The following TSPAN9 variants were observed in gnomAD, a reference collection of about 807,000 sequenced individuals.
TSPAN9 encodes the protein tetraspanin 9.
TSPAN9 carries 16 observed loss-of-function variants against 31.0 expected under a neutral mutation model. The observed-to-expected ratio is 0.52, with a 90% CI of 0.35 to 0.78. The LOEUF is 0.78. Ranked by LOEUF, TSPAN9 falls within the 30% of genes least tolerant of loss-of-function variation. The pLI is 0.01. For synonymous variants in TSPAN9, 145 were observed against 121.6 expected (o/e 1.19, Z -1.27); for missense variants, 272 against 312.5 (o/e 0.87, Z 0.98).
intron 3 of TSPAN9, among the ~76,000 whole-genome samples, chr12:3,268,493 T>C (rs1325647926): frequency 3.5e-4 from 37 of 106,170 alleles, no homozygotes; most frequent in African/African-American, 1.0e-3. Context: ...GCCCTCTCTG[T>C]GTTCCTGCAG....
chr12:3,122,093 T>C (rs2098325399), intron 2 of TSPAN9, among the ~76,000 whole-genome samples: 1 of 152,066 alleles, frequency 6.6e-6, no homozygotes, highest in South Asian at 2.1e-4. Flanking sequence ...CCCAGCACTT[T>C]GGGAGGCCGA....
rs541804561 is a variant in TSPAN9, at chr12:3,231,241, G to A, written c.63+29985G>A. On this transcript the variant is annotated intron_variant, in intron 3 of 8. Transcript: ENST00000011898. ...GAGGCAGGGGAGAATGAAGGGAAGC[G>A]GGGCAGTCCCAAGTTCCCTAACTCT... Among the ~76,000 whole-genome samples the A allele has an allele frequency of 1.8e-4, 27 of 152,260 alleles. No homozygotes were observed. The East Asian group carries it at 4.1e-3, about 23-fold the overall frequency.
intron 3 of TSPAN9, among the ~76,000 whole-genome samples, chr12:3,258,605 A>C (rs550041590): frequency 7.1e-6 from 1 of 140,858 alleles, no homozygotes; most frequent in African/African-American, 3.0e-5. Flanking sequence ...ACCATTTCTT[A>C]TCTTCCCTCC....
intron 4 of TSPAN9, 88 bp from the exon 5 acceptor site, chr12:3,278,904 A>G (rs1274259260): frequency 3.6e-6 from 5 of 1,403,982 alleles, no homozygotes; most frequent in Non-Finnish European, 5.0e-6. Flanking sequence ...AGCCCCACCT[A>G]GGCGCCGCCT....
intron 2 of TSPAN9, among the ~76,000 whole-genome samples, chr12:3,097,931 A>C (rs140295188): frequency 9.2e-5 from 14 of 152,248 alleles, no homozygotes; most frequent in African/African-American, 3.4e-4. Flanking sequence ...ACATGTGAGC[A>C]CCTCCTCCGT....
chr12:3,242,429 C>T (rs969751778), intron 3 of TSPAN9, among the ~76,000 whole-genome samples: 1 of 152,236 alleles, frequency 6.6e-6, no homozygotes, highest in Non-Finnish European at 1.5e-5. Flanking sequence ...AGCACAGCTC[C>T]CATTCTGTAG....
At chr12:3,084,943 A>G (rs1036819883) in intron 2 of TSPAN9, among the ~76,000 whole-genome samples, 8 of 152,138 alleles carry the variant, frequency 5.3e-5, no homozygotes, top group African/African-American at 1.7e-4. Flanking sequence ...CTCCCATTTT[A>G]AGTCCTCCTC....
chr12:3,239,207 A>G (rs1161494076), intron 3 of TSPAN9, among the ~76,000 whole-genome samples: 1 of 151,928 alleles, frequency 6.6e-6, no homozygotes, highest in African/African-American at 2.4e-5. Flanking sequence ...CAAGGCGTAG[A>G]GGGGTGCCTG....
chr12:3,092,779 C>T (rs1390398206), intron 2 of TSPAN9, among the ~76,000 whole-genome samples: 1 of 152,336 alleles, frequency 6.6e-6, no homozygotes, highest in Non-Finnish European at 1.5e-5. Context: ...TGAGGATGCT[C>T]AGTGGACTCC....
At chr12:3,222,437 C>T (rs2098385069) in intron 3 of TSPAN9, among the ~76,000 whole-genome samples, 1 of 152,196 alleles carries the variant, frequency 6.6e-6, no homozygotes, top group African/African-American at 2.4e-5. Flanking sequence ...TTTATCAGCA[C>T]ACGTCTCCAG....
chr12:3,163,683 C>T (rs2098346732), intron 2 of TSPAN9, among the ~76,000 whole-genome samples: 4 of 152,166 alleles, frequency 2.6e-5, no homozygotes, highest in Non-Finnish European at 4.4e-5. Context: ...CAGATGTCAG[C>T]GTGTGGTGTT....
Position 3,171,207 on chromosome 12 carries a change from C to T in TSPAN9, c.-17-29970C>T, listed in dbSNP as rs150585513. Among the ~76,000 whole-genome samples, 927 of 152,190 alleles carry T rather than the reference C, an allele frequency of 6.1e-3. 8 individuals are homozygous for T. The highest frequency in any genetic ancestry group is 9.9e-3 in the Non-Finnish European group (673 of 68,008). On this transcript the variant is annotated intron_variant, in intron 2 of 8. Transcript: ENST00000011898. ...TTCCTTATCCCTCTTTATTTTTCTA[C>T]GTAGCATATGATATATATATTCTTT...
chr12:3,272,084 T>A (rs1862688597), intron 3 of TSPAN9, among the ~76,000 whole-genome samples: 2 of 152,172 alleles, frequency 1.3e-5, no homozygotes, highest in African/African-American at 4.8e-5. Flanking sequence ...GTCCTAGCAT[T>A]TGAAAATTTC....
At chr12:3,150,738 T>G (rs566820969) in intron 2 of TSPAN9, among the ~76,000 whole-genome samples, 2 of 152,310 alleles carry the variant, frequency 1.3e-5, no homozygotes, top group Admixed American at 1.3e-4. Context: ...TTCAGGGTGC[T>G]GAGTTCCAGG....
intron 2 of TSPAN9, among the ~76,000 whole-genome samples, chr12:3,128,027 A>G (rs2098328129): frequency 6.6e-6 from 1 of 152,178 alleles, no homozygotes; most frequent in African/African-American, 2.4e-5. Flanking sequence ...GACACCTATG[A>G]TGTCACTGGG....
chr12:3,143,279 ATAT>A lies in TSPAN9; in HGVS notation c.-17-57896_-17-57894del, dbSNP rs2098335732. Among the ~76,000 whole-genome samples, 2 of 148,484 alleles carry A rather than the reference ATAT, an allele frequency of 1.3e-5. No individual in the cohort carries two copies. The highest frequency in any genetic ancestry group is 2.1e-4 in the South Asian group (1 of 4,804). ...ATAGTTATATTAATCATAATTAATA[ATAT>A]TTATAATTATATTAATTATAATTAA... On this transcript the variant is annotated intron_variant, in intron 2 of 8. Transcript: ENST00000011898. This position sits in a 1 kb window ranked among gnomAD's most constrained non-coding sequence, Gnocchi z 4.2.
At chr12:3,190,999 C>T (rs758619) in intron 2 of TSPAN9, among the ~76,000 whole-genome samples, 150,622 of 152,220 alleles carry the variant, frequency 0.99, 74,549 homozygotes, top group Middle Eastern at 1. Flanking sequence ...ATTAACTATG[C>T]GTTATTGGTA....
At chr12:3,248,472 C>T (rs940322650) in intron 3 of TSPAN9, among the ~76,000 whole-genome samples, 16 of 152,240 alleles carry the variant, frequency 1.1e-4, no homozygotes, top group Admixed American at 8.5e-4. Context: ...GATCTCCTGC[C>T]CTCTCTTGTT....
chr12:3,166,156 GAC>G (rs143659185), intron 2 of TSPAN9, among the ~76,000 whole-genome samples: 2,048 of 152,318 alleles, frequency 0.013, 17 homozygotes, highest in Non-Finnish European at 0.021. Context: ...ACATGGGAAA[GAC>G]ACAGAATTCT....
Sources: allele counts gnomAD v4.1 joint callset (sites outside exome capture counted in the v4.1 genomes callset), GRCh38; gene constraint gnomAD v4.1.1; non-coding constraint Gnocchi (gnomAD v3.1); transcripts MANE v1.5; gene names NCBI Gene and HGNC (gene_info 2026-07-23, HGNC 2026-07-21).